Variants in IGSF10 observed in about 807,000 individuals in gnomAD.
The protein encoded by IGSF10 is calvaria mechanical force protein 608.
Under a neutral mutation model 128.2 loss-of-function variants are expected in IGSF10, and 126 were observed. The ratio of observed to expected loss-of-function variants is 0.98; its 90% confidence interval spans 0.85 to 1.14. The LOEUF (loss-of-function observed/expected upper bound fraction) is 1.14, where lower values mean the gene tolerates loss of function less well. Among genes scored for constraint, IGSF10 ranks in the 50% most tolerant of loss-of-function variants. IGSF10 has a pLI of 0.00. For missense variants in IGSF10, 3,295 were observed against 3,149.8 expected, an observed-to-expected ratio of 1.05 and a Z score of -1.10; for synonymous variants, 1,185 against 1,146.2, an observed-to-expected ratio of 1.03 and a Z score of -0.68.
chr3:151,460,888 G>T, intron 1 of IGSF10, 58 bp downstream of exon 1: 1 of 974,208 alleles, frequency 1.0e-6, no homozygotes, highest in Non-Finnish European at 1.2e-6. Context: ...CCCACGCCAA[G>T]CCCCAGCCGG....
chr3:151,548,820 T>G, the IGSF10 span, among the ~76,000 whole-genome samples: 1 of 151,870 alleles, frequency 6.6e-6, no homozygotes, highest in African/African-American at 2.4e-5. Context: ...CATTTCTTCT[T>G]CTTTTTTTCT....
chr3:151,547,256 A>G, the IGSF10 span, among the ~76,000 whole-genome samples: 1 of 152,156 alleles, frequency 6.6e-6, no homozygotes, highest in Non-Finnish European at 1.5e-5. Context: ...TTTTCATTAG[A>G]ACAATATTCA....
intron 5 of IGSF10, among the ~76,000 whole-genome samples, chr3:151,452,487 C>G (rs756926074): frequency 6.6e-6 from 1 of 152,102 alleles, no homozygotes; most frequent in Non-Finnish European, 1.5e-5. Context: ...TACAATGTCA[C>G]TAGGCAATAG....
Position 151,438,078 on chromosome 3 carries a change from A to G in IGSF10, c.6483T>C (p.Leu2161=), listed in dbSNP as rs79460060. ...TGGGATCCCCAGTGACCTCACAGTCAAGGACAGCTGTGTCTCCAGCTTTGA... is the reference window on the plus strand; with the variant it reads ...TGGGATCCCCAGTGACCTCACAGTCGAGGACAGCTGTGTCTCCAGCTTTGA... ...KRIKAGDTAV[L]DCEVTGDPKP... The change falls in exon 8 of 8, where the codon CTT becomes CTC. Residue 2161 remains leucine (L), a synonymous_variant. Coordinates refer to ENST00000282466, the MANE Select transcript of IGSF10 (RefSeq NM_178822.5). 2.9e-3 allele frequency: 4,741 copies of G among 1,614,206 alleles called. 120 individuals carry two copies. The African/African-American group carries it at 0.055, about 19-fold the overall frequency.
the IGSF10 span, among the ~76,000 whole-genome samples, chr3:151,565,014 G>A: frequency 6.6e-6 from 1 of 152,172 alleles, no homozygotes; most frequent in African/African-American, 2.4e-5. Context: ...ACTTGTGCAA[G>A]ATCACCAGCT....
chr3:151,465,451 C>A (rs1722247432), upstream of IGSF10, among the ~76,000 whole-genome samples: 1 of 152,176 alleles, frequency 6.6e-6, no homozygotes, highest in African/African-American at 2.4e-5. Flanking sequence ...AGTATTGTAT[C>A]AAAAGCCATT....
Position 151,436,898 on chromosome 3 carries a change from C to T in IGSF10, c.7663G>A (p.Val2555Ile), listed in dbSNP as rs752130236. Residue 2555 changes from valine (V) to isoleucine (I), a missense_variant, in exon 8 of 8, where the codon GTT (valine) becomes ATT (isoleucine). By Grantham distance (29) the Val-to-Ile change is conservative. Coordinates refer to ENST00000282466, the MANE Select transcript of IGSF10 (RefSeq NM_178822.5). ...AFQLHCVALG[V>I]PKPEITWEMP... ...TCCCATGTGATTTCTGGCTTGGGAACTCCCAAGGCCACACAGTGGAGCTGA... is the reference window on the plus strand; with the variant it reads ...TCCCATGTGATTTCTGGCTTGGGAATTCCCAAGGCCACACAGTGGAGCTGA... The T allele has an allele frequency of 3.7e-6, 6 of 1,614,136 alleles. No individual in the cohort carries two copies. The highest frequency in any genetic ancestry group is 1.3e-5 in the African/African-American group (1 of 75,040).
the IGSF10 span, among the ~76,000 whole-genome samples, chr3:151,573,065 C>G: frequency 6.6e-6 from 1 of 152,260 alleles, no homozygotes; most frequent in East Asian, 1.9e-4. Context: ...ATCCTGAGTT[C>G]TAGTTTGATT....
Position 151,437,041 on chromosome 3 carries a change from TTACAGA to T in IGSF10, c.7514_7519del (p.Ile2505_Cys2506del). ...TGTATGACCAACACTATTTTGAGCC[TTACAGA>T]TATAGTTTCCTCTGTCATAAGCTGT... On this transcript the variant is annotated inframe_deletion, in exon 8 of 8. Coordinates refer to ENST00000282466, the MANE Select transcript of IGSF10 (RefSeq NM_178822.5). 6.2e-7 allele frequency: 1 copy of T among 1,614,210 alleles called. No homozygotes were observed. Among genetic ancestry groups the T allele is most frequent in the Non-Finnish European group, 8.5e-7 (1 of 1,180,016 alleles).
chr3:151,524,597 GA>G, the IGSF10 span, among the ~76,000 whole-genome samples: 7 of 152,088 alleles, frequency 4.6e-5, no homozygotes, highest in African/African-American at 1.7e-4. Context: ...TGAACCCAAA[GA>G]AGGAAACAAC....
chr3:151,476,696 G>C, the IGSF10 span, among the ~76,000 whole-genome samples: 1 of 152,164 alleles, frequency 6.6e-6, no homozygotes, highest in South Asian at 2.1e-4. Flanking sequence ...CCACAGGCCT[G>C]TCATCTTGTT....
chr3:151,541,023 T>C, the IGSF10 span, among the ~76,000 whole-genome samples: 1 of 152,012 alleles, frequency 6.6e-6, no homozygotes, highest in Non-Finnish European at 1.5e-5. Context: ...TCAGAGGGAG[T>C]TCAGTTCCAG....
At chr3:151,452,267 G>A (rs550898624) in intron 5 of IGSF10, among the ~76,000 whole-genome samples, 1 of 152,278 alleles carries the variant, frequency 6.6e-6, no homozygotes, top group South Asian at 2.1e-4. Context: ...CAATTTTGTT[G>A]TGCAAACATT....
chr3:151,470,499 G>A, the IGSF10 span, among the ~76,000 whole-genome samples: 1 of 152,114 alleles, frequency 6.6e-6, no homozygotes, highest in Non-Finnish European at 1.5e-5. Context: ...CACTAATAAT[G>A]CTATACCAGA....
rs34674218 is a variant in IGSF10 at position 151,445,385 on chromosome 3, G to A, written c.4596C>T (p.Ala1532=). The A allele has an allele frequency of 2.9e-3, 4,708 of 1,614,178 alleles. 12 individuals are homozygous for A. The highest frequency in any genetic ancestry group is 5.3e-3 in the Admixed American group (321 of 60,030). The change falls in exon 6 of 8, where the codon GCC becomes GCT. Residue 1532 remains alanine (A), a synonymous_variant. Transcript: ENST00000282466. ...AGTGAGTGGTTCCAATTGTGAACTT[G>A]GCATTTGGGTGAACCTTGGGGGATG... ...VATSPKVHPN[A]KFTIGTTHFI...
At chr3:151,455,581 T>G (rs1721754100) in intron 4 of IGSF10, among the ~76,000 whole-genome samples, 1 of 152,234 alleles carries the variant, frequency 6.6e-6, no homozygotes, top group African/African-American at 2.4e-5. Context: ...TTTATGGCAT[T>G]GTGTCTGGCT....
At chr3:151,461,176 G>A (rs890810782), upstream of IGSF10, 37 of 985,406 alleles carry the variant, frequency 3.8e-5, no homozygotes, top group African/African-American at 5.9e-4. Flanking sequence ...GTTTACGAGC[G>A]TGTGGGAAGC....
the IGSF10 span, among the ~76,000 whole-genome samples, chr3:151,537,154 G>A: frequency 6.6e-6 from 1 of 152,130 alleles, no homozygotes; most frequent in African/African-American, 2.4e-5. Context: ...CCTCCCTAAA[G>A]TTGGGCACAT....
the IGSF10 span, among the ~76,000 whole-genome samples, chr3:151,535,936 T>C: frequency 2.6e-5 from 4 of 152,212 alleles, no homozygotes; most frequent in Non-Finnish European, 5.9e-5. Flanking sequence ...ATCCTGTACA[T>C]GGAGCTCCAG....
Sources: allele counts gnomAD v4.1 joint callset (sites outside exome capture counted in the v4.1 genomes callset), GRCh38; gene constraint gnomAD v4.1.1; transcripts MANE v1.5; gene names NCBI Gene and HGNC (gene_info 2026-07-23, HGNC 2026-07-21).